The following EHF variants were observed in gnomAD, a reference collection of about 807,000 sequenced individuals.
EHF encodes ETS homologous factor.
EHF carries 14 observed loss-of-function variants against 45.1 expected under a neutral mutation model. That is an observed-to-expected ratio of 0.31 (90% confidence interval 0.21 to 0.49). The LOEUF is 0.49. Ranked by LOEUF, EHF falls within the 20% of genes least tolerant of loss-of-function variation. The probability of loss-of-function intolerance (pLI) is 0.99; values close to 1 mark genes in which losing one functional copy is unlikely to be tolerated. For missense variants in EHF, 282 were observed against 371.4 expected, an observed-to-expected ratio of 0.76 and a Z score of 1.98; for synonymous variants, 136 against 131.8, an observed-to-expected ratio of 1.03 and a Z score of -0.22.
chr11:34,631,328 G>A (rs930269810), intron 1 of EHF, among the ~76,000 whole-genome samples: 3 of 152,122 alleles, frequency 2.0e-5, no homozygotes, highest in African/African-American at 4.8e-5. Context: ...CACTGCGCCC[G>A]GCCAAAAAGA....
intron 1 of EHF, among the ~76,000 whole-genome samples, chr11:34,628,342 T>G (rs1444076058): frequency 2.0e-5 from 3 of 152,180 alleles, no homozygotes; most frequent in Non-Finnish European, 4.4e-5. Context: ...TCTTTTAATA[T>G]AAATTTTTTT....
chr11:34,658,537 G>A lies in EHF; in HGVS notation c.612G>A (p.Pro204=), dbSNP rs950653325. Residue 204 remains proline, a synonymous_variant, in exon 8 of 9, where the codon CCG becomes CCA. Coordinates refer to ENST00000257831, the MANE Select transcript of EHF (RefSeq NM_012153.6). ...TGCCTTTCTGCTTTTCATCAGACCC[G>A]AGAGGGACTCACTTATGGGAATTCA... is the stretch of plus-strand genomic sequence containing the variant. ...PAKCHTKKHN[P]RGTHLWEFIR... is the part of the protein sequence containing the mutation. 5.0e-6 allele frequency: 8 copies of A among 1,612,280 alleles called. No individual in the cohort carries two copies. The Admixed American group carries it at 5.0e-5, about 10-fold the overall frequency.
chr11:34,642,817 A>G, intron 2 of EHF, 90 bp downstream of exon 2: 1 of 946,372 alleles, frequency 1.1e-6, no homozygotes, highest in East Asian at 2.6e-5. Context: ...TGAAAAATAT[A>G]GGCTTTACAG....
intron 3 of EHF, 45 bp from the exon 4 acceptor site, chr11:34,648,974 G>C (rs1422374012): frequency 7.0e-6 from 11 of 1,581,974 alleles, no homozygotes; most frequent in Non-Finnish European, 8.7e-6. Flanking sequence ...TCCAGTTCTG[G>C]CTCCATCTGG....
intron 1 of EHF, chr11:34,642,243 G>A (rs1474507957): frequency 1.1e-5 from 2 of 177,296 alleles, no homozygotes; most frequent in Non-Finnish European, 2.4e-5. Context: ...GTTTGAAATT[G>A]CACTTTAAAT....
chr11:34,656,381 T>C (rs1363449256), intron 6 of EHF, among the ~76,000 whole-genome samples: 1 of 151,026 alleles, frequency 6.6e-6, no homozygotes, highest in Non-Finnish European at 1.5e-5. Context: ...ATGTTTACAT[T>C]TTTCTATTAT....
At position 34,646,658 on chromosome 11, in the gene EHF, G is replaced by T; in HGVS notation, c.317G>T (p.Ser106Ile). The T allele has an allele frequency of 6.2e-7, 1 of 1,612,180 alleles. No individual in the cohort carries two copies. The change falls in exon 3 of 9, where the codon AGC (serine) becomes ATC (isoleucine). Residue 106 changes from serine to isoleucine, a missense_variant. Around this residue, in one of 3 missense-constraint regions of EHF, gnomAD observed 213 missense variants for 247.3 expected, o/e 0.86. Transcript: ENST00000257831. The stretch of plus-strand genomic sequence containing the variant: ...GGGACGGCGGGGCAGCTCCTCTACA[G>T]CAACTTGCAGCATCTGAAGTGGAAC... ...AAGTAGQLLY[S>I]NLQHLKWNGQ...
chr11:34,626,600 A>G (rs1852396593), intron 1 of EHF, among the ~76,000 whole-genome samples: 1 of 152,236 alleles, frequency 6.6e-6, no homozygotes, highest in Non-Finnish European at 1.5e-5. Context: ...TTGACTCTAA[A>G]TTCAGCCTCT....
intron 6 of EHF, among the ~76,000 whole-genome samples, chr11:34,652,022 C>G (rs377442928): frequency 6.6e-5 from 10 of 152,196 alleles, no homozygotes; most frequent in Non-Finnish European, 1.2e-4. Flanking sequence ...TGGTCTCCTA[C>G]GAAACTAGTC....
At position 34,658,853 on chromosome 11, in the gene EHF, T is replaced by A. The variant is rs286891; in HGVS notation, c.825T>A (p.Ile275=). Residue 275 remains isoleucine (I), a synonymous_variant, in exon 9 of 9, where the codon ATT becomes ATA. Transcript: ENST00000257831. The part of the protein sequence containing the change: ...RAMRYYYKRE[I]LERVDGRRLV... ...ACAGATATTACTACAAAAGAGAAAT[T>A]CTGGAGCGTGTGGATGGACGAAGAC... 180,500 of 1,612,116 alleles carry A rather than the reference T, an allele frequency of 0.11. 11,556 individuals carry two copies. Among genetic ancestry groups the A allele is most frequent in the South Asian group, 0.24 (21,834 of 90,656 alleles).
chr11:34,646,170 T>C (rs975007895), intron 2 of EHF, among the ~76,000 whole-genome samples: 3 of 151,838 alleles, frequency 2.0e-5, no homozygotes, highest in Admixed American at 6.6e-5. Context: ...ATGATAGCAA[T>C]GCTCTAGCTT....
chr11:34,656,803 A>C lies in EHF; in HGVS notation c.545-105A>C, dbSNP rs1855715114. 6 of 1,275,882 alleles carry C rather than the reference A, an allele frequency of 4.7e-6. No individual in the cohort carries two copies. In the South Asian group the frequency reaches 5.5e-5, roughly 12 times the overall value. The allele number at this position is 1,275,882 out of a possible 1,614,324, so 79.0% of individuals were successfully genotyped here. A position where few individuals can be genotyped will look rare whatever the true frequency, so the allele number is the denominator to read the frequency against. On this transcript the variant is annotated intron_variant, in intron 6 of 8. Coordinates refer to ENST00000257831, the MANE Select transcript of EHF (RefSeq NM_012153.6). ...TAGCACATACTCAAAGGTGCCAGGC[A>C]TGCAGTAGGTGCTCAGTAAATATTG... is the stretch of plus-strand genomic sequence containing the variant.
intron 1 of EHF, chr11:34,622,282 C>T: frequency 2.6e-6 from 1 of 390,806 alleles, no homozygotes; most frequent in Non-Finnish European, 4.7e-6. Context: ...AGAGTGTATG[C>T]TTCTGGGTTC....
At chr11:34,639,415 T>G (rs1853764074) in intron 1 of EHF, among the ~76,000 whole-genome samples, 1 of 152,210 alleles carries the variant, frequency 6.6e-6, no homozygotes, top group Admixed American at 6.5e-5. Context: ...TTCGTTATAA[T>G]AAGGTTTTTT....
At chr11:34,636,472 A>G (rs891819932) in intron 1 of EHF, among the ~76,000 whole-genome samples, 6 of 152,234 alleles carry the variant, frequency 3.9e-5, no homozygotes, top group African/African-American at 1.4e-4. Context: ...ACAGAGACTC[A>G]TGGGCAGACC....
rs993572920 is a variant in EHF, at chr11:34,629,568, A to G, written c.-4+8340A>G. ...TCTTAAGCTGCAAGGATGCTAATGA[A>G]ATAATTCTCATGAAGTTCTGTTGGT... On this transcript the variant is annotated intron_variant, in intron 1 of 8. Coordinates refer to ENST00000257831, the MANE Select transcript of EHF (RefSeq NM_012153.6). 3.3e-5 allele frequency among the ~76,000 whole-genome samples: 5 copies of G among 152,226 alleles called. No homozygotes were observed. The South Asian group carries it at 1.0e-3, about 32-fold the overall frequency.
At chr11:34,651,410 A>G in intron 4 of EHF, 132 bp from the exon 5 acceptor site, 1 of 709,932 alleles carries the variant, frequency 1.4e-6, no homozygotes, top group Non-Finnish European at 2.4e-6. Flanking sequence ...CTGAAGCAGA[A>G]TCATATCCCT....
intron 7 of EHF, 150 bp from the exon 8 acceptor site, chr11:34,658,383 C>T (rs1855854672): frequency 1.6e-6 from 1 of 634,898 alleles, no homozygotes; most frequent in Non-Finnish European, 2.7e-6. Flanking sequence ...TAATGTCCAA[C>T]ATCTGGTGAT....
rs1261300392 is a variant in EHF, at chr11:34,660,027, A to G, written c.*1096A>G. 6.6e-6 allele frequency: 1 copy of G among 152,124 alleles called. No homozygotes were observed. The highest frequency in any genetic ancestry group is 1.5e-5 in the Non-Finnish European group (1 of 68,018). 9.4% of individuals were successfully genotyped at this position (152,124 alleles called of 1,614,324 possible). On this transcript the variant is annotated 3_prime_UTR_variant, in exon 9 of 9. Coordinates refer to ENST00000257831, the MANE Select transcript of EHF (RefSeq NM_012153.6). ...ACCAGTTTAGCTAGTCAATATGAGG[A>G]TGGTGGTTTATTCTCAGAAGAAAAA...
Sources: allele counts gnomAD v4.1 joint callset (sites outside exome capture counted in the v4.1 genomes callset), GRCh38; gene constraint gnomAD v4.1.1; regional missense constraint gnomAD v4.1.1; transcripts MANE v1.5; gene names NCBI Gene and HGNC (gene_info 2026-07-23, HGNC 2026-07-21).